Variants in RBFOX1 observed in about 807,000 individuals in gnomAD.
The protein encoded by RBFOX1 is RNA binding fox-1 homolog 1, also known as RNA binding protein fox-1 homolog 1.
In RBFOX1, 8 loss-of-function variants were observed where a neutral mutation model predicts 57.7. The observed-to-expected ratio is 0.14, with a 90% CI of 0.08 to 0.25. The LOEUF is 0.25. Among genes scored for constraint, RBFOX1 ranks in the 10% least tolerant of loss-of-function variants. The pLI is 1.00. For synonymous variants in RBFOX1, 326 were observed against 222.4 expected, an observed-to-expected ratio of 1.47 and a Z score of -4.15; for missense variants, 611 against 548.5, an observed-to-expected ratio of 1.11 and a Z score of -1.14.
intron 3 of RBFOX1, among the ~76,000 whole-genome samples, chr16:6,690,886 G>T (rs967866022): frequency 6.6e-6 from 1 of 151,884 alleles, no homozygotes; most frequent in Admixed American, 6.6e-5. Flanking sequence ...ACATAATCAG[G>T]GGAATTGGCA....
At chr16:7,158,258 A>G (rs1404994039) in intron 4 of RBFOX1, among the ~76,000 whole-genome samples, 1 of 152,084 alleles carries the variant, frequency 6.6e-6, no homozygotes, top group African/African-American at 2.4e-5. Flanking sequence ...AGGCAGGAGA[A>G]TCACTTGAAA....
chr16:7,470,711 G>T (rs527395239), intron 4 of RBFOX1, among the ~76,000 whole-genome samples: 2 of 152,084 alleles, frequency 1.3e-5, no homozygotes, highest in South Asian at 4.2e-4. Flanking sequence ...TAGATGGGGG[G>T]AAAGATGAAT....
At chr16:6,806,837 T>TAAATATATATA (rs1491107829) in intron 3 of RBFOX1, among the ~76,000 whole-genome samples, 1 of 68,944 alleles carries the variant, frequency 1.5e-5, no homozygotes, top group Non-Finnish European at 2.9e-5. Context: ...TATATATATA[T>TAAATATATATA]TTTTTTTTTT....
At chr16:6,071,393 C>G (rs1245699265) in intron 1 of RBFOX1, among the ~76,000 whole-genome samples, 2 of 152,032 alleles carry the variant, frequency 1.3e-5, no homozygotes, top group Non-Finnish European at 2.9e-5. Flanking sequence ...AGAATTTTTA[C>G]AAAAGATATT....
At chr16:5,500,095 A>ATTCCCTCCCTTCCCTCCC (rs1317328874) in intron 2 of RBFOX1, among the ~76,000 whole-genome samples, 1 of 123,876 alleles carries the variant, frequency 8.1e-6, no homozygotes, top group Admixed American at 7.7e-5. Flanking sequence ...CCTTCCCTCC[A>ATTCCCTCCCTTCCCTCCC]TTCCCTCCCT....
chr16:5,802,184 C>A (rs1210668769), intron 3 of RBFOX1, among the ~76,000 whole-genome samples: 1 of 152,102 alleles, frequency 6.6e-6, no homozygotes, highest in Non-Finnish European at 1.5e-5. Flanking sequence ...ATTTGCTGCC[C>A]AAACTTTGCG....
At chr16:7,282,017 C>T (rs995797094) in intron 4 of RBFOX1, among the ~76,000 whole-genome samples, 11 of 150,906 alleles carry the variant, frequency 7.3e-5, no homozygotes, top group African/African-American at 2.5e-4. Flanking sequence ...AGGCGCGTGC[C>T]ATCACGCCTG....
intron 2 of RBFOX1, among the ~76,000 whole-genome samples, chr16:6,561,148 A>C (rs921581033): frequency 6.6e-6 from 1 of 152,186 alleles, no homozygotes. Flanking sequence ...ATTGGATACT[A>C]GTCTGGAAGG....
intron 3 of RBFOX1, among the ~76,000 whole-genome samples, chr16:5,822,657 C>T (rs753490726): frequency 1.3e-4 from 20 of 152,122 alleles, no homozygotes; most frequent in Admixed American, 9.8e-4. Flanking sequence ...ACAAGAATTA[C>T]GGAATTATGT....
At chr16:5,594,147 C>G (rs1544533) in intron 2 of RBFOX1, among the ~76,000 whole-genome samples, 72 of 152,200 alleles carry the variant, frequency 4.7e-4, no homozygotes, top group Admixed American at 4.5e-3. Flanking sequence ...CACCCTCTGT[C>G]CATTGCTCAG....
intron 3 of RBFOX1, among the ~76,000 whole-genome samples, chr16:6,819,647 G>A (rs1005755031): frequency 5.8e-5 from 8 of 136,956 alleles, no homozygotes; most frequent in Non-Finnish European, 1.2e-4. Context: ...GGAGGTTGCA[G>A]TGAGCCAGGA....
chr16:7,464,389 G>T (rs77073455), intron 4 of RBFOX1, among the ~76,000 whole-genome samples: 2 of 151,916 alleles, frequency 1.3e-5, no homozygotes, highest in African/African-American at 2.4e-5. Context: ...TAAAACAGTC[G>T]CATCCAAGAT....
chr16:6,155,456 G>C (rs776915642), intron 1 of RBFOX1, among the ~76,000 whole-genome samples: 10 of 152,170 alleles, frequency 6.6e-5, no homozygotes. Flanking sequence ...TTATGATCCG[G>C]AAGGTAGATT....
intron 1 of RBFOX1, among the ~76,000 whole-genome samples, chr16:5,349,747 T>C (rs1195539168): frequency 6.6e-6 from 1 of 152,226 alleles, no homozygotes; most frequent in Admixed American, 6.5e-5. Flanking sequence ...CCTGAATGAT[T>C]TGGAAGCTGC....
chr16:6,609,670 C>G (rs1042889105), intron 2 of RBFOX1, among the ~76,000 whole-genome samples: 1 of 152,244 alleles, frequency 6.6e-6, no homozygotes, highest in East Asian at 1.9e-4. Context: ...TGTAAAGATT[C>G]ACCCAGATGG....
intron 1 of RBFOX1, among the ~76,000 whole-genome samples, chr16:5,393,043 C>G (rs547527): frequency 1.3e-5 from 2 of 151,924 alleles, no homozygotes; most frequent in Admixed American, 1.3e-4. Context: ...GCTAAAAGAC[C>G]TCCGAGCATG....
intron 3 of RBFOX1, among the ~76,000 whole-genome samples, chr16:5,771,883 G>T (rs1017509915): frequency 3.3e-5 from 5 of 151,482 alleles, no homozygotes; most frequent in African/African-American, 1.2e-4. Context: ...TTTTAAAAAG[G>T]CTAGTTTGGG....
chr16:6,780,412 A>ATATATATT (rs1221662197), intron 3 of RBFOX1, among the ~76,000 whole-genome samples: 8 of 113,268 alleles, frequency 7.1e-5, no homozygotes, highest in African/African-American at 2.1e-4. Context: ...ATATATATTT[A>ATATATATT]TATATATTTA....
intron 4 of RBFOX1, among the ~76,000 whole-genome samples, chr16:5,908,551 C>G (rs145920455): frequency 6.6e-6 from 1 of 151,830 alleles, no homozygotes; most frequent in Admixed American, 6.6e-5. Context: ...AGCGTTTTCA[C>G]CATATTGGCC....
Sources: allele counts gnomAD v4.1 joint callset (sites outside exome capture counted in the v4.1 genomes callset), GRCh38; gene constraint gnomAD v4.1.1; transcripts MANE v1.5; gene names NCBI Gene and HGNC (gene_info 2026-07-23, HGNC 2026-07-21).